The following EDAR variants were observed in gnomAD, a reference collection of about 807,000 sequenced individuals.
The protein encoded by EDAR is ectodysplasin A receptor, also known as tumor necrosis factor receptor superfamily member EDAR.
EDAR carries 38 observed loss-of-function variants against 51.3 expected under a neutral mutation model. The ratio of observed to expected loss-of-function variants is 0.74; its 90% CI spans 0.57 to 0.97. EDAR has a LOEUF of 0.97. Ranked by LOEUF, EDAR falls within the 50% of genes least tolerant of loss-of-function variation. EDAR has a pLI of 0.00. For missense variants in EDAR, 528 were observed against 595.0 expected, an observed-to-expected ratio of 0.89 and a Z score of 1.17; for synonymous variants, 227 against 242.1, an observed-to-expected ratio of 0.94 and a Z score of 0.58.
At chr2:108,948,720 C>T (rs1194706967) in intron 1 of EDAR, among the ~76,000 whole-genome samples, 1 of 152,154 alleles carries the variant, frequency 6.6e-6, no homozygotes, top group South Asian at 2.1e-4. Flanking sequence ...GAAAACTGCT[C>T]CCATGATCCA....
At chr2:108,966,783 A>G (rs1469023213) in intron 1 of EDAR, among the ~76,000 whole-genome samples, 1 of 152,252 alleles carries the variant, frequency 6.6e-6, no homozygotes, top group East Asian at 1.9e-4. Context: ...GGAAGGGAGC[A>G]CAGTGGAGGG....
intron 11 of EDAR, among the ~76,000 whole-genome samples, chr2:108,905,852 C>T (rs115082310): frequency 0.016 from 2,329 of 147,770 alleles, 66 homozygotes; most frequent in African/African-American, 0.061. Context: ...CTCAGAAGGC[C>T]GCTGGGAGGG....
At chr2:108,940,660 A>G (rs1697576592) in intron 1 of EDAR, among the ~76,000 whole-genome samples, 2 of 152,240 alleles carry the variant, frequency 1.3e-5, no homozygotes, top group African/African-American at 4.8e-5. Context: ...ACAAAGAAGC[A>G]GCTTCTGAGC....
chr2:108,909,319 G>T (rs771052498), intron 9 of EDAR, among the ~76,000 whole-genome samples: 6 of 152,174 alleles, frequency 3.9e-5, no homozygotes, highest in African/African-American at 4.8e-5. Context: ...CTCTAGGGAG[G>T]CCCTATTTAA....
chr2:108,921,379 G>A (rs541768593), intron 5 of EDAR, among the ~76,000 whole-genome samples: 59 of 152,296 alleles, frequency 3.9e-4, no homozygotes, highest in African/African-American at 1.3e-3. Flanking sequence ...GGTGGTTTGC[G>A]TAATCCACCA....
At chr2:108,988,374 G>A (rs988231924) in intron 1 of EDAR, among the ~76,000 whole-genome samples, 2 of 152,164 alleles carry the variant, frequency 1.3e-5, no homozygotes, top group Non-Finnish European at 2.9e-5. Flanking sequence ...AGTGTTGAGA[G>A]GAACCTCTTG....
Position 108,904,446 on chromosome 2 carries a change from C to T in EDAR, c.1024+1862G>A, listed in dbSNP as rs533505635. ...ACCATGCAACTATCATACAACCCAA[C>T]AAATGTACTCCTGGGTCTTTATCCC... On this transcript the variant is annotated intron_variant, in intron 11 of 11. Transcript: ENST00000258443. 2.5e-3 allele frequency among the ~76,000 whole-genome samples: 385 copies of T among 152,332 alleles called. 4 individuals carry two copies. The highest frequency in any genetic ancestry group is 8.4e-4 in the Non-Finnish European group (57 of 68,028).
chr2:108,974,502 G>A (rs937858124), intron 1 of EDAR, among the ~76,000 whole-genome samples: 7 of 151,036 alleles, frequency 4.6e-5, no homozygotes, highest in Non-Finnish European at 8.9e-5. Context: ...GAGGCCAAGG[G>A]GGGTGGATCA....
intron 1 of EDAR, among the ~76,000 whole-genome samples, chr2:108,974,502 G>C (rs937858124): frequency 1.3e-5 from 2 of 151,160 alleles, no homozygotes; most frequent in South Asian, 2.1e-4. Flanking sequence ...GAGGCCAAGG[G>C]GGGTGGATCA....
intron 1 of EDAR, among the ~76,000 whole-genome samples, chr2:108,962,120 G>A (rs1042102534): frequency 1.3e-5 from 2 of 152,292 alleles, no homozygotes; most frequent in South Asian, 4.1e-4. Flanking sequence ...GTGAACTCTG[G>A]TAGGGTAGCA....
intron 11 of EDAR, among the ~76,000 whole-genome samples, chr2:108,901,655 G>C (rs1414489503): frequency 1.3e-5 from 2 of 152,070 alleles, no homozygotes; most frequent in African/African-American, 4.8e-5. Flanking sequence ...CAGATAATAA[G>C]ATAAAACTTG....
chr2:108,907,722 T>G, intron 10 of EDAR, 138 bp downstream of exon 10: 1 of 955,546 alleles, frequency 1.0e-6, no homozygotes, highest in Non-Finnish European at 1.7e-6. Flanking sequence ...AACTTGTCAC[T>G]GTCCAGGTCT....
Position 108,929,512 on chromosome 2 carries a change from G to C in EDAR, c.175-133C>G, listed in dbSNP as rs28393619. ...CTCTTGCCGGGCCTTGGTTTCCTGA[G>C]TTGTCCTAACTGCAAAACCCCCCAG... On this transcript the variant is annotated intron_variant, in intron 3 of 11. Transcript: ENST00000258443. 15,531 of 980,302 alleles carry C rather than the reference G, an allele frequency of 0.016. 252 individuals are homozygous for C. The highest frequency in any genetic ancestry group is 0.066 in the African/African-American group (4,158 of 62,584). 60.7% of individuals were successfully genotyped at this position (980,302 alleles called of 1,614,324 possible). A position where few individuals can be genotyped will look rare whatever the true frequency, so the allele number is the denominator to read the frequency against.
intron 1 of EDAR, among the ~76,000 whole-genome samples, chr2:108,980,256 C>T (rs1398241414): frequency 6.6e-6 from 1 of 152,076 alleles, no homozygotes; most frequent in Non-Finnish European, 1.5e-5. Flanking sequence ...CCGGACAGTT[C>T]TGCAGTGAGA....
chr2:108,954,787 T>C (rs753288111), intron 1 of EDAR, among the ~76,000 whole-genome samples: 2 of 152,108 alleles, frequency 1.3e-5, no homozygotes, highest in Non-Finnish European at 2.9e-5. Flanking sequence ...GCGATTCTCC[T>C]GTCTCAGCCT....
chr2:108,922,051 T>C (rs1312766750), intron 5 of EDAR, among the ~76,000 whole-genome samples: 1 of 152,224 alleles, frequency 6.6e-6, no homozygotes, highest in Non-Finnish European at 1.5e-5. Context: ...TAGACCTCAT[T>C]GCTGGACTTA....
At chr2:108,980,821 C>G (rs1277046920) in intron 1 of EDAR, among the ~76,000 whole-genome samples, 1 of 152,170 alleles carries the variant, frequency 6.6e-6, no homozygotes, top group African/African-American at 2.4e-5. Context: ...GGTGGCCAAC[C>G]TGGCACCATA....
At chr2:108,914,954 C>T (rs1008645617) in intron 5 of EDAR, among the ~76,000 whole-genome samples, 5 of 152,212 alleles carry the variant, frequency 3.3e-5, no homozygotes, top group Admixed American at 3.3e-4. Flanking sequence ...ACTCTGTCAC[C>T]CAGGCTGGAG....
At chr2:108,936,197 G>T (rs965405758) in intron 1 of EDAR, among the ~76,000 whole-genome samples, 22 of 152,396 alleles carry the variant, frequency 1.4e-4, no homozygotes, top group African/African-American at 5.3e-4. Flanking sequence ...TCTGTGGGAA[G>T]CAGCTGAGGC....
Sources: allele counts gnomAD v4.1 joint callset (sites outside exome capture counted in the v4.1 genomes callset), GRCh38; gene constraint gnomAD v4.1.1; transcripts MANE v1.5; gene names NCBI Gene and HGNC (gene_info 2026-07-23, HGNC 2026-07-21).